The following VEZT variants were observed in gnomAD, a reference collection of about 807,000 sequenced individuals.
VEZT encodes the protein vezatin.
Under a neutral mutation model 79.9 loss-of-function variants are expected in VEZT, and 39 were observed. That is an observed-to-expected ratio of 0.49 (90% CI 0.38 to 0.64). VEZT has a LOEUF of 0.64. Among genes scored for constraint, VEZT ranks in the 30% least tolerant of loss-of-function variants. VEZT has a pLI of 0.00. For synonymous variants in VEZT, 325 were observed against 327.6 expected, an observed-to-expected ratio of 0.99 and a Z score of 0.09; for missense variants, 837 against 893.1, an observed-to-expected ratio of 0.94 and a Z score of 0.80.
intron 3 of VEZT, among the ~76,000 whole-genome samples, chr12:95,260,344 G>C (rs1316796764): frequency 6.6e-6 from 1 of 152,104 alleles, no homozygotes; most frequent in Non-Finnish European, 1.5e-5. Flanking sequence ...GGCCTCAAGT[G>C]ATCTGCCCGC....
chr12:95,258,177 TG>T (rs1234759348), intron 3 of VEZT: 2 of 442,496 alleles, frequency 4.5e-6, no homozygotes, highest in African/African-American at 2.0e-5. Context: ...GTTTCATCTT[TG>T]TTGAAGGTGT....
intron 4 of VEZT, among the ~76,000 whole-genome samples, chr12:95,264,808 T>C (rs543558252): frequency 9.1e-6 from 1 of 110,238 alleles, no homozygotes; most frequent in East Asian, 2.5e-4. Flanking sequence ...TTTCCAAATA[T>C]TGCTGTTTTT....
At chr12:95,295,950 C>CT (rs556611291) in intron 10 of VEZT, 101 bp from the exon 11 acceptor site, 399 of 891,958 alleles carry the variant, frequency 4.5e-4, no homozygotes, top group Non-Finnish European at 5.2e-4. Flanking sequence ...AATGCAAGTC[C>CT]TTTTTTTTTA....
intron 11 of VEZT, among the ~76,000 whole-genome samples, chr12:95,297,302 GTATCT>G (rs2074370558): frequency 6.6e-6 from 1 of 152,166 alleles, no homozygotes. Flanking sequence ...CCATTTTACA[GTATCT>G]GTGTGGACCC....
chr12:95,223,076 C>T (rs1183426945), intron 1 of VEZT, among the ~76,000 whole-genome samples: 1 of 152,120 alleles, frequency 6.6e-6, no homozygotes, highest in Non-Finnish European at 1.5e-5. Flanking sequence ...CTAAGAAATC[C>T]TAGGTCAGCT....
intron 1 of VEZT, among the ~76,000 whole-genome samples, chr12:95,223,659 C>T (rs190723004): frequency 6.6e-5 from 10 of 152,266 alleles, no homozygotes; most frequent in East Asian, 3.9e-4. Flanking sequence ...CCATGTTGGC[C>T]AGGCTGGTCT....
At chr12:95,246,114 C>CT (rs1389542830) in intron 1 of VEZT, among the ~76,000 whole-genome samples, 2 of 151,800 alleles carry the variant, frequency 1.3e-5, no homozygotes, top group Non-Finnish European at 2.9e-5. Context: ...GATATCTTTT[C>CT]TTTTTTTTCT....
chr12:95,235,725 A>C (rs1240439790), intron 1 of VEZT, among the ~76,000 whole-genome samples: 1 of 141,992 alleles, frequency 7.0e-6, no homozygotes, highest in African/African-American at 2.7e-5. Context: ...GCTGACCCCC[A>C]CCTCCCTCCC....
intron 7 of VEZT, among the ~76,000 whole-genome samples, chr12:95,276,402 T>C (rs181591099): frequency 6.1e-4 from 92 of 151,430 alleles, no homozygotes; most frequent in African/African-American, 2.1e-3. Context: ...CCCGAGTAGC[T>C]GGGACTACAG....
intron 1 of VEZT, among the ~76,000 whole-genome samples, chr12:95,222,241 A>C (rs1592962941): frequency 6.6e-6 from 1 of 152,222 alleles, no homozygotes; most frequent in East Asian, 1.9e-4. Context: ...GCCTACTCTA[A>C]GGTCACAAAG....
At chr12:95,267,023 T>C (rs566969769) in intron 5 of VEZT, among the ~76,000 whole-genome samples, 90 of 152,340 alleles carry the variant, frequency 5.9e-4, no homozygotes, top group Non-Finnish European at 9.0e-4. Flanking sequence ...CTGCTATAAA[T>C]GCATTTTGAA....
intron 1 of VEZT, among the ~76,000 whole-genome samples, chr12:95,251,136 G>T (rs1299207375): frequency 6.6e-6 from 1 of 152,020 alleles, no homozygotes; most frequent in African/African-American, 2.4e-5. Context: ...TCAGCCTCCC[G>T]AGTAGATGGG....
chr12:95,245,476 A>C (rs1288700520), intron 1 of VEZT: 1 of 455,606 alleles, frequency 2.2e-6, no homozygotes, highest in East Asian at 6.9e-5. Flanking sequence ...TACAAGATAA[A>C]ACTCTTTTGG....
At chr12:95,273,993 C>T (rs2067139220) in intron 6 of VEZT, among the ~76,000 whole-genome samples, 1 of 152,136 alleles carries the variant, frequency 6.6e-6, no homozygotes, top group South Asian at 2.1e-4. Flanking sequence ...CTATGTCAAA[C>T]AAGCTAGATA....
intron 8 of VEZT, 113 bp downstream of exon 8, chr12:95,282,757 A>G: frequency 3.7e-6 from 3 of 809,898 alleles, no homozygotes; most frequent in Non-Finnish European, 5.6e-6. Context: ...AAACTGAGGC[A>G]TGAGCATGAA....
chr12:95,261,128 C>G (rs1412136759), intron 3 of VEZT, among the ~76,000 whole-genome samples: 1 of 151,800 alleles, frequency 6.6e-6, no homozygotes, highest in African/African-American at 2.4e-5. Context: ...TAAAAATCTT[C>G]TTCTCTAAAA....
At chr12:95,286,811 T>C (rs1216286199) in intron 8 of VEZT, 3 of 474,446 alleles carry the variant, frequency 6.3e-6, no homozygotes, top group Non-Finnish European at 1.3e-5. Flanking sequence ...TTTCCCATGT[T>C]TTGCAATGTG....
At chr12:95,250,747 A>ATG (rs2062451082) in intron 1 of VEZT, among the ~76,000 whole-genome samples, 1 of 142,896 alleles carries the variant, frequency 7.0e-6, no homozygotes, top group South Asian at 2.2e-4. Context: ...GGTTGGGGTG[A>ATG]TTTTTTTTTT....
At position 95,296,318 on chromosome 12, in the gene VEZT, A is replaced by G. The variant is rs974842570; in HGVS notation, c.1831+60A>G. On this transcript the variant is annotated intron_variant, in intron 11 of 11. Coordinates refer to ENST00000436874, the MANE Select transcript of VEZT (RefSeq NM_017599.4). ...ATGTAGGGGATTCTTTCTTTCTTGA[A>G]CCATGAATGTTATTTTAGCTGAAGA... 10 of 1,463,854 alleles carry G rather than the reference A, an allele frequency of 6.8e-6. No homozygotes were observed. The East Asian group carries it at 2.0e-4, about 29-fold the overall frequency. The allele number at this position is 1,463,854 out of a possible 1,614,324, so 90.7% of individuals were successfully genotyped here.
Sources: gnomAD v4.1 joint callset for allele counts (sites outside exome capture counted in the v4.1 genomes callset) on GRCh38, gnomAD v4.1.1 for gene constraint, MANE v1.5 for transcripts, NCBI Gene and HGNC (gene_info 2026-07-23, HGNC 2026-07-21) for gene names.